Variants in HK1 observed in about 807,000 individuals in gnomAD.
The protein encoded by HK1 is hexokinase-1.
A neutral mutation model predicts 91.6 loss-of-function variants in HK1; 28 were observed. That is an observed-to-expected ratio of 0.31 (90% CI 0.23 to 0.42). The LOEUF (loss-of-function observed/expected upper bound fraction) is 0.42, where lower values mean the gene tolerates loss of function less well. Among genes scored for constraint, HK1 ranks in the 10% least tolerant of loss-of-function variants. HK1 has a pLI of 1.00. For missense variants in HK1, 770 were observed against 1,219.8 expected, an observed-to-expected ratio of 0.63 and a Z score of 5.49; for synonymous variants, 430 against 468.1, an observed-to-expected ratio of 0.92 and a Z score of 1.05.
At chr10:69,290,067 A>C (rs1327178781) in intron 3 of HK1, among the ~76,000 whole-genome samples, 1 of 152,164 alleles carries the variant, frequency 6.6e-6, no homozygotes, top group East Asian at 1.9e-4. Flanking sequence ...CCTCTGAAGC[A>C]AGGACTACAG....
At chr10:69,346,645 C>A (rs758575080) in intron 2 of HK1, among the ~76,000 whole-genome samples, 1 of 151,464 alleles carries the variant, frequency 6.6e-6, no homozygotes, top group Non-Finnish European at 1.5e-5. Context: ...GGATTACAGG[C>A]GTGAGCCACC....
At chr10:69,306,425 G>C (rs1347618161) in intron 5 of HK1, among the ~76,000 whole-genome samples, 1 of 151,284 alleles carries the variant, frequency 6.6e-6, no homozygotes, top group Admixed American at 6.6e-5. Flanking sequence ...GAAAGGGTGA[G>C]CAGTGCAGGA....
At chr10:69,312,205 T>C (rs1846409810), upstream of HK1, among the ~76,000 whole-genome samples, 1 of 152,178 alleles carries the variant, frequency 6.6e-6, no homozygotes, top group African/African-American at 2.4e-5. Context: ...ACACAGTGAT[T>C]ACCCTAACCC....
chr10:69,349,370 G>A (rs1848725881), intron 2 of HK1, among the ~76,000 whole-genome samples: 1 of 152,156 alleles, frequency 6.6e-6, no homozygotes, highest in South Asian at 2.1e-4. Context: ...TTTGGAAACT[G>A]CAAACCACCG....
At chr10:69,377,157 C>T in intron 8 of HK1, 68 bp downstream of exon 8, 1 of 1,573,076 alleles carries the variant, frequency 6.4e-7, no homozygotes, top group Non-Finnish European at 8.7e-7. Flanking sequence ...TCCCTTGTTA[C>T]TTCTTGAGTC....
chr10:69,317,248 C>G (rs779616457), upstream of HK1, among the ~76,000 whole-genome samples: 7 of 152,156 alleles, frequency 4.6e-5, no homozygotes, highest in Non-Finnish European at 1.0e-4. Context: ...ATTTTGCGTA[C>G]AGTATTACAC....
rs1431493741 is a variant in HK1, at chr10:69,389,270, C to T, written c.2009C>T (p.Pro670Leu). Residue 670 changes from proline to leucine, a missense_variant, in exon 14 of 18, where the codon CCC (proline) becomes CTC (leucine). Physicochemically the swap from Pro to Leu is moderately conservative, Grantham distance 98. Transcript: ENST00000359426. The stretch of plus-strand genomic sequence containing the variant: ...ATGATGACCTGTGCTTATGAGGAGC[C>T]CACCTGTGAGGTTGGACTCATTGTT... ...GTMMTCAYEE[P>L]TCEVGLIVGT... 1 of 1,612,378 alleles carries T rather than the reference C, an allele frequency of 6.2e-7. No individual in the cohort carries two copies.
Position 69,291,988 on chromosome 10 carries a change from A to C in HK1, c.-115+3218A>C, listed in dbSNP as rs895123795. Among the ~76,000 whole-genome samples, 11 of 152,216 alleles carry C rather than the reference A, an allele frequency of 7.2e-5. No individual in the cohort carries two copies. In the East Asian group the frequency reaches 1.9e-3, roughly 27 times the overall value. ...AGTTTTGGCTTTGGGCATGTGGAAA[A>C]CCTGCCTGGATTGTTCTGGAAGCTC... On this transcript the variant is annotated intron_variant, in intron 3 of 21. Transcript: ENST00000360289.
chr10:69,365,251 T>C (rs1039739240), intron 4 of HK1, among the ~76,000 whole-genome samples: 3 of 152,120 alleles, frequency 2.0e-5, no homozygotes, highest in Non-Finnish European at 4.4e-5. Context: ...GATGTTTACC[T>C]GGAAACTGCC....
At chr10:69,331,125 C>G (rs1032289818) in intron 1 of HK1, among the ~76,000 whole-genome samples, 3 of 152,190 alleles carry the variant, frequency 2.0e-5, no homozygotes, top group Non-Finnish European at 4.4e-5. Context: ...AGTGATCTGC[C>G]CGCCTCGGCC....
At chr10:69,300,578 C>T (rs1343529004) in intron 4 of HK1, 5 of 695,642 alleles carry the variant, frequency 7.2e-6, no homozygotes, top group African/African-American at 1.8e-5. Context: ...CTTTGAGTTG[C>T]ACATCAAATC....
At chr10:69,361,814 C>CT (rs1208577488) in intron 3 of HK1, among the ~76,000 whole-genome samples, 5 of 152,008 alleles carry the variant, frequency 3.3e-5, no homozygotes, top group Non-Finnish European at 7.4e-5. Context: ...ATAGCAAATT[C>CT]TTTTTTTTCT....
At chr10:69,330,051 C>T (rs1288215439) in intron 1 of HK1, among the ~76,000 whole-genome samples, 1 of 152,208 alleles carries the variant, frequency 6.6e-6, no homozygotes, top group Non-Finnish European at 1.5e-5. Context: ...TGCATGAAAA[C>T]CCCCTCAATG....
intron 1 of HK1, among the ~76,000 whole-genome samples, chr10:69,279,562 T>C (rs905103288): frequency 1.3e-5 from 2 of 152,178 alleles, no homozygotes; most frequent in Non-Finnish European, 2.9e-5. Flanking sequence ...GAATGTTTGA[T>C]GGGGAACCTC....
At chr10:69,310,458 A>C (rs1002072922) in intron 5 of HK1, among the ~76,000 whole-genome samples, 1 of 151,640 alleles carries the variant, frequency 6.6e-6, no homozygotes, top group Non-Finnish European at 1.5e-5. Flanking sequence ...TCTAAGCCAT[A>C]TAAAAACTCA....
At position 69,318,861 on chromosome 10, in the gene HK1, G is replaced by T; in HGVS notation, c.-87G>T. ...GGGAGGAGGAGGAGGAGGAGCCGCC[G>T]AGCAGCCGCCGGAGGACCACGGCTC... is the stretch of plus-strand genomic sequence containing the variant. On this transcript the variant is annotated 5_prime_UTR_variant, in exon 1 of 18. Coordinates refer to ENST00000359426, the MANE Select transcript of HK1 (RefSeq NM_000188.3). 6.7e-7 allele frequency: 1 copy of T among 1,498,856 alleles called. No individual in the cohort carries two copies. Among genetic ancestry groups the T allele is most frequent in the South Asian group, 1.3e-5 (1 of 78,268 alleles). The allele number at this position is 1,498,856 out of a possible 1,614,324, so 92.8% of individuals were successfully genotyped here.
At chr10:69,290,489 G>A (rs1014443188) in intron 3 of HK1, among the ~76,000 whole-genome samples, 6 of 151,876 alleles carry the variant, frequency 4.0e-5, no homozygotes, top group South Asian at 2.1e-4. Flanking sequence ...AGGGTTTTTC[G>A]TTTGTTTGTT....
intron 16 of HK1, among the ~76,000 whole-genome samples, chr10:69,396,151 G>A (rs1320677285): frequency 2.0e-5 from 3 of 151,672 alleles, no homozygotes; most frequent in Non-Finnish European, 4.4e-5. Flanking sequence ...ACATTCCTGT[G>A]GTCCCAGCTA....
Position 69,394,945 on chromosome 10 carries a change from C to T in HK1, c.2220-5C>T, listed in dbSNP as rs757639069. The stretch of plus-strand genomic sequence containing the variant: ...AGACACCCCAGGCCCCTCCTCCTGT[C>T]TCAGGTATGAGAAGATGATCAGTGG... On this transcript the variant is annotated splice_polypyrimidine_tract_variant and splice_region_variant and intron_variant, in intron 15 of 17. Coordinates refer to ENST00000359426, the MANE Select transcript of HK1 (RefSeq NM_000188.3). 1.2e-6 allele frequency: 2 copies of T among 1,613,942 alleles called. No individual in the cohort carries two copies. The highest frequency in any genetic ancestry group is 2.7e-5 in the African/African-American group (2 of 74,904).
Sources: gnomAD v4.1 joint callset for allele counts (sites outside exome capture counted in the v4.1 genomes callset) on GRCh38, gnomAD v4.1.1 for gene constraint, MANE v1.5 for transcripts, NCBI Gene and HGNC (gene_info 2026-07-23, HGNC 2026-07-21) for gene names.